AFM: variants seen among roughly 807,000 people sequenced by gnomAD.
The protein encoded by AFM is afamin.
Under a neutral mutation model 68.7 loss-of-function variants are expected in AFM, and 82 were observed. That is an observed-to-expected ratio of 1.19 (90% CI 1.00 to 1.43). The LOEUF (loss-of-function observed/expected upper bound fraction) is 1.43. Ranked by LOEUF, AFM falls within the 40% of genes most tolerant of loss-of-function variation. The pLI, the probability that AFM is intolerant of heterozygous loss-of-function variation, is 0.00. For synonymous variants in AFM, 250 were observed against 234.2 expected, an observed-to-expected ratio of 1.07 and a Z score of -0.61; for missense variants, 772 against 701.8, an observed-to-expected ratio of 1.10 and a Z score of -1.13.
chr4:73,499,309 A>T, intron 11 of AFM, 63 bp downstream of exon 11: 1 of 1,333,188 alleles, frequency 7.5e-7, no homozygotes. Context: ...GAATATTTGC[A>T]CTCATTGATT....
chr4:73,482,009 T>C (rs961051445), intron 1 of AFM, 146 bp downstream of exon 1: 1 of 609,420 alleles, frequency 1.6e-6, no homozygotes. Context: ...TATCCAAAAC[T>C]AACCTTTTCA....
At chr4:73,499,711 C>T (rs971809024) in intron 11 of AFM, among the ~76,000 whole-genome samples, 1 of 152,072 alleles carries the variant, frequency 6.6e-6, no homozygotes, top group South Asian at 2.1e-4. Flanking sequence ...TTGATCGCCC[C>T]TTTCAGTTGG....
At position 73,484,297 on chromosome 4, in the gene AFM, C is replaced by T; in HGVS notation, c.177C>T (p.Thr59=). The T allele has an allele frequency of 6.2e-7, 1 of 1,613,294 alleles. No homozygotes were observed. The highest frequency in any genetic ancestry group is 8.5e-7 in the Non-Finnish European group (1 of 1,179,750). The change falls in exon 3 of 15, where the codon ACC becomes ACT. Residue 59 remains threonine (T), a synonymous_variant. Coordinates refer to ENST00000226355, the MANE Select transcript of AFM (RefSeq NM_001133.2). The part of the protein sequence containing the change: ...IAFAQYVQEA[T]FEEMEKLVKD... ...TTGCTCAGTATGTTCAGGAAGCAACCTTTGAAGAAATGGAAAAGCTGGTGA... is the reference window on the plus strand; with the variant it reads ...TTGCTCAGTATGTTCAGGAAGCAACTTTTGAAGAAATGGAAAAGCTGGTGA...
chr4:73,502,005 C>T (rs1316154864), intron 13 of AFM, 86 bp downstream of exon 13: 4 of 1,411,784 alleles, frequency 2.8e-6, no homozygotes, highest in African/African-American at 1.4e-5. Flanking sequence ...ACTGCTTCCT[C>T]TCTGCAGTGT....
intron 3 of AFM, 151 bp downstream of exon 3, chr4:73,484,541 C>CT (rs543881660): frequency 6.3e-3 from 4,199 of 665,126 alleles, no homozygotes; most frequent in South Asian, 0.01. Flanking sequence ...TTCTTTCCTT[C>CT]TTTTTTTTTT....
Position 73,501,859 on chromosome 4 carries a change from C to A in AFM, c.1719C>A (p.Phe573Leu), listed in dbSNP as rs766941334. 43 of 1,613,442 alleles carry A rather than the reference C, an allele frequency of 2.7e-5. No individual in the cohort carries two copies. Among genetic ancestry groups the A allele is most frequent in the Non-Finnish European group, 3.6e-5 (42 of 1,179,692 alleles). ...DEELQSLFTN[F>L]ANVVDKCCKA... ...AGCTGCAGTCTTTGTTTACAAATTT[C>A]GCAAATGTAGTGGATAAGTGCTGCA... The change falls in exon 13 of 15, where the codon TTC (phenylalanine) becomes TTA (leucine). Residue 573 changes from phenylalanine to leucine, a missense_variant. Transcript: ENST00000226355.
intron 4 of AFM, 150 bp downstream of exon 4, chr4:73,486,223 C>T: frequency 1.4e-6 from 1 of 739,750 alleles, no homozygotes; most frequent in South Asian, 1.9e-5. Flanking sequence ...AGATACTGTG[C>T]TCAGTGTTCA....
chr4:73,492,635 T>G lies in AFM; in HGVS notation c.1058+549T>G, dbSNP rs189715644. On this transcript the variant is annotated intron_variant, in intron 8 of 14. Coordinates refer to ENST00000226355, the MANE Select transcript of AFM (RefSeq NM_001133.2). ...TTAACCTTTCTGTGCTTTTTTTTTT[T>G]GTCATATATAAAATTCATATAAGAA... Among the ~76,000 whole-genome samples, 50 of 151,082 alleles carry G rather than the reference T, an allele frequency of 3.3e-4. 1 individual carries two copies. Among genetic ancestry groups the G allele is most frequent in the Admixed American group, 2.4e-3 (37 of 15,192 alleles).
chr4:73,484,489 T>TCTTTCTTTCTTC lies in AFM; in HGVS notation c.270+110_270+111insCCTTTCTTTCTT, dbSNP rs1373020886. 3,196 of 789,330 alleles carry TCTTTCTTTCTTC rather than the reference T, an allele frequency of 4.0e-3. 29 individuals are homozygous for TCTTTCTTTCTTC. Among genetic ancestry groups the TCTTTCTTTCTTC allele is most frequent in the Non-Finnish European group, 3.3e-3 (1,807 of 543,680 alleles). 48.9% of individuals were successfully genotyped at this position (789,330 alleles called of 1,614,324 possible). On this transcript the variant is annotated intron_variant, in intron 3 of 14. Transcript: ENST00000226355. ...TTCTTTCTTTCTTTCTTTCTTTCTTTCTTTCTTTCTTTCTTTCATTCTTTC... is the reference window on the plus strand; with the variant it reads ...TTCTTTCTTTCTTTCTTTCTTTCTTTCTTTCTTTCTTCCTTTCTTTCTTTCTTTCATTCTTTC...
intron 6 of AFM, 127 bp downstream of exon 6, chr4:73,487,948 G>A (rs976800481): frequency 3.1e-6 from 2 of 641,360 alleles, no homozygotes; most frequent in South Asian, 4.0e-5. Flanking sequence ...GTGAGTCTGA[G>A]CCTACTTAGA....
rs867638688 is a variant in AFM at position 73,497,663 on chromosome 4, C to A, written c.1203C>A (p.Phe401Leu). 1 of 1,600,624 alleles carries A rather than the reference C, an allele frequency of 6.2e-7. No individual in the cohort carries two copies. Among genetic ancestry groups the A allele is most frequent in the Non-Finnish European group, 8.5e-7 (1 of 1,172,360 alleles). The change falls in exon 10 of 15, where the codon TTC becomes TTA. Residue 401 changes from phenylalanine to leucine, a missense_variant. By Grantham distance (22) the Phe-to-Leu change is conservative. Coordinates refer to ENST00000226355, the MANE Select transcript of AFM (RefSeq NM_001133.2). ...ATTCTTATTTTCAGGAAGACAAATT[C>A]AATGAGACAACTGAGAAAAGCCTCA... ...PGCYRYAEDKFNETTEKSLKM... is the reference protein window; with the variant it reads ...PGCYRYAEDKLNETTEKSLKM...
At chr4:73,493,626 C>A (rs1721163300) in intron 8 of AFM, among the ~76,000 whole-genome samples, 1 of 152,094 alleles carries the variant, frequency 6.6e-6, no homozygotes, top group South Asian at 2.1e-4. Flanking sequence ...CTTTTATAAT[C>A]TTTATTTTTC....
rs1221491440 is a variant in AFM at position 73,497,699 on chromosome 4, A to G, written c.1239A>G (p.Gln413=). The change falls in exon 10 of 15, where the codon CAA becomes CAG. Residue 413 remains glutamine (Q), a synonymous_variant. Transcript: ENST00000226355. ...ETTEKSLKMV[Q]QECKHFQNLG... ...CTGAGAAAAGCCTCAAGATGGTACAACAAGAATGTAAACATTTCCAGAATT... is the reference window on the plus strand; with the variant it reads ...CTGAGAAAAGCCTCAAGATGGTACAGCAAGAATGTAAACATTTCCAGAATT... 1 of 1,611,100 alleles carries G rather than the reference A, an allele frequency of 6.2e-7. No homozygotes were observed. Among genetic ancestry groups the G allele is most frequent in the South Asian group, 1.1e-5 (1 of 90,688 alleles).
chr4:73,503,230 A>G, intron 14 of AFM, 120 bp downstream of exon 14: 1 of 755,154 alleles, frequency 1.3e-6, no homozygotes, highest in Non-Finnish European at 2.2e-6. Flanking sequence ...CAAGAAATGC[A>G]CATGTAGCTA....
At chr4:73,501,733 G>T (rs1241273182) in intron 12 of AFM, 54 bp from the exon 13 acceptor site, 4 of 1,554,268 alleles carry the variant, frequency 2.6e-6, no homozygotes, top group Non-Finnish European at 3.5e-6. Flanking sequence ...TTGGAGTAGA[G>T]ACGCTTCAGA....
At chr4:73,482,766 C>T (rs1010189244) in intron 1 of AFM, among the ~76,000 whole-genome samples, 1 of 152,146 alleles carries the variant, frequency 6.6e-6, no homozygotes, top group Non-Finnish European at 1.5e-5. Flanking sequence ...GTCCCATCCA[C>T]CCTTCTTTTG....
chr4:73,502,143 A>G (rs1449212332), intron 13 of AFM, among the ~76,000 whole-genome samples: 1 of 152,180 alleles, frequency 6.6e-6, no homozygotes, highest in Non-Finnish European at 1.5e-5. Context: ...TAACCCCAGC[A>G]GTCTTGTAAG....
At chr4:73,495,247 G>T in intron 8 of AFM, 53 bp from the exon 9 acceptor site, 1 of 1,500,870 alleles carries the variant, frequency 6.7e-7, no homozygotes, top group South Asian at 1.3e-5. Flanking sequence ...TAGTGGAATT[G>T]GGTTTTTTGC....
At chr4:73,497,018 G>A (rs983059300) in intron 9 of AFM, among the ~76,000 whole-genome samples, 2 of 152,002 alleles carry the variant, frequency 1.3e-5, no homozygotes, top group Admixed American at 6.6e-5. Flanking sequence ...ATTAATCATA[G>A]CGCTAGAAAA....
Sources: gnomAD v4.1 joint callset for allele counts (sites outside exome capture counted in the v4.1 genomes callset) on GRCh38, gnomAD v4.1.1 for gene constraint, MANE v1.5 for transcripts, NCBI Gene and HGNC (gene_info 2026-07-23, HGNC 2026-07-21) for gene names.